Variants in ARL4A observed in about 807,000 individuals in gnomAD.
ARL4A encodes the protein ADP-ribosylation factor-like protein 4A.
ARL4A carries 5 observed loss-of-function variants against 13.9 expected under a neutral mutation model. The observed-to-expected ratio is 0.36, with a 90% CI of 0.19 to 0.75. ARL4A has a LOEUF of 0.75. ARL4A is among the 30% of genes least tolerant of loss of function. ARL4A has a pLI of 0.53. For synonymous variants in ARL4A, 77 were observed against 84.4 expected, an observed-to-expected ratio of 0.91 and a Z score of 0.48; for missense variants, 147 against 225.8, an observed-to-expected ratio of 0.65 and a Z score of 2.24.
rs559306929 is a variant in ARL4A, at chr7:12,690,782, A to G, written c.*1925A>G. 1.8e-5 allele frequency: 3 copies of G among 166,974 alleles called. No homozygotes were observed. The highest frequency in any genetic ancestry group is 2.1e-4 in the South Asian group (1 of 4,830). 10.3% of individuals were successfully genotyped at this position (166,974 alleles called of 1,614,324 possible). A position where few individuals can be genotyped will look rare whatever the true frequency, so the allele number is the denominator to read the frequency against. ...TGTACTTTCTGTCTACCTACTATGT[A>G]AAATAGTGCTGTTTTTAAGTATTTC... On this transcript the variant is annotated 3_prime_UTR_variant, in exon 2 of 2. Transcript: ENST00000651779.
Position 12,689,722 on chromosome 7 carries a change from A to G in ARL4A, c.*865A>G, listed in dbSNP as rs1784587343. On this transcript the variant is annotated 3_prime_UTR_variant, in exon 2 of 2. Transcript: ENST00000651779. ...ACTAATAAATATGCACTGGATACATATATGGATTTATGAAGAAGGCGATTT... is the reference window on the plus strand; with the variant it reads ...ACTAATAAATATGCACTGGATACATGTATGGATTTATGAAGAAGGCGATTT... 1 of 166,958 alleles carries G rather than the reference A, an allele frequency of 6.0e-6. No homozygotes were observed. The highest frequency in any genetic ancestry group is 2.1e-4 in the South Asian group (1 of 4,836). 10.3% of individuals were successfully genotyped at this position (166,958 alleles called of 1,614,324 possible). A position where few individuals can be genotyped will look rare whatever the true frequency, so the allele number is the denominator to read the frequency against.
Position 12,688,918 on chromosome 7 carries a change from G to A in ARL4A, c.*61G>A. On this transcript the variant is annotated 3_prime_UTR_variant, in exon 2 of 2. Transcript: ENST00000651779. This position sits in a 1 kb window ranked among gnomAD's most constrained non-coding sequence, Gnocchi z 5.2. Reference sequence around the variant, plus strand: ...TTCTCTGGTCTGATTTTGACAAATAGAAGAGTGTCTACAGCGTGGTTTGCC... The same window carrying A: ...TTCTCTGGTCTGATTTTGACAAATAAAAGAGTGTCTACAGCGTGGTTTGCC... 1 of 1,489,166 alleles carries A rather than the reference G, an allele frequency of 6.7e-7. No individual in the cohort carries two copies. The highest frequency in any genetic ancestry group is 9.1e-7 in the Non-Finnish European group (1 of 1,104,106). The allele number at this position is 1,489,166 out of a possible 1,614,324, so 92.2% of individuals were successfully genotyped here.
chr7:12,688,894 T>C lies in ARL4A; in HGVS notation c.*37T>C, dbSNP rs1784572492. On this transcript the variant is annotated 3_prime_UTR_variant, in exon 2 of 2. Transcript: ENST00000651779. The surrounding 1 kb of genome is among the most constrained non-coding windows in gnomAD (Gnocchi z 5.2). ...TATTATATCTGTGTGGAGTAGGTTT[T>C]CTCTGGTCTGATTTTGACAAATAGA... 1.3e-6 allele frequency: 2 copies of C among 1,547,866 alleles called. No individual in the cohort carries two copies. The highest frequency in any genetic ancestry group is 1.7e-6 in the Non-Finnish European group (2 of 1,148,916).
At position 12,689,540 on chromosome 7, in the gene ARL4A, TCTTA is replaced by T. The variant is rs368760622; in HGVS notation, c.*687_*690del. ...TGACAAAGCATGTTTTGGTGTGTAG[TCTTA>T]CTTTTTAGAAATAGCTATGCATCGT... On this transcript the variant is annotated 3_prime_UTR_variant, in exon 2 of 2. Coordinates refer to ENST00000651779, the MANE Select transcript of ARL4A (RefSeq NM_005738.5). 39 of 166,846 alleles carry T rather than the reference TCTTA, an allele frequency of 2.3e-4. No homozygotes were observed. In the East Asian group the frequency reaches 7.1e-3, roughly 30 times the overall value. The allele number at this position is 166,846 out of a possible 1,614,324, so 10.3% of individuals were successfully genotyped here. A position where few individuals can be genotyped will look rare whatever the true frequency, so the allele number is the denominator to read the frequency against.
Position 12,688,902 on chromosome 7 carries a change from C to T in ARL4A, c.*45C>T, listed in dbSNP as rs774292133. On this transcript the variant is annotated 3_prime_UTR_variant, in exon 2 of 2. Transcript: ENST00000651779. This position sits in a 1 kb window ranked among gnomAD's most constrained non-coding sequence, Gnocchi z 5.2. ...CTGTGTGGAGTAGGTTTTCTCTGGTCTGATTTTGACAAATAGAAGAGTGTC... is the reference window on the plus strand; with the variant it reads ...CTGTGTGGAGTAGGTTTTCTCTGGTTTGATTTTGACAAATAGAAGAGTGTC... 6.6e-7 allele frequency: 1 copy of T among 1,525,510 alleles called. No individual in the cohort carries two copies. Among genetic ancestry groups the T allele is most frequent in the Non-Finnish European group, 8.8e-7 (1 of 1,133,518 alleles). 94.5% of individuals were successfully genotyped at this position (1,525,510 alleles called of 1,614,324 possible). A position where few individuals can be genotyped will look rare whatever the true frequency, so the allele number is the denominator to read the frequency against.
rs1336387075 is a variant in ARL4A, at chr7:12,690,760, ACTTT to A, written c.*1906_*1909del. On this transcript the variant is annotated 3_prime_UTR_variant, in exon 2 of 2. Coordinates refer to ENST00000651779, the MANE Select transcript of ARL4A (RefSeq NM_005738.5). ...CAATTAGATTTACCAGTTTGCCTGT[ACTTT>A]CTGTCTACCTACTATGTAAAATAGT... The A allele has an allele frequency of 6.0e-6, 1 of 166,352 alleles. No homozygotes were observed. Among genetic ancestry groups the A allele is most frequent in the Non-Finnish European group, 1.5e-5 (1 of 68,048 alleles). The allele number at this position is 166,352 out of a possible 1,614,324, so 10.3% of individuals were successfully genotyped here. A position where few individuals can be genotyped will look rare whatever the true frequency, so the allele number is the denominator to read the frequency against.
rs1359584264 is a variant in ARL4A, at chr7:12,688,589, A to G, written c.335A>G (p.Lys112Arg). The G allele has an allele frequency of 1.2e-6, 2 of 1,612,236 alleles. No individual in the cohort carries two copies. The highest frequency in any genetic ancestry group is 1.7e-6 in the Non-Finnish European group (2 of 1,179,844). ...SVDVERMEEA[K>R]TELHKITRIS... ...GATGTCGAAAGGATGGAAGAAGCCAAAACTGAACTTCACAAAATAACTAGG... is the reference window on the plus strand; with the variant it reads ...GATGTCGAAAGGATGGAAGAAGCCAGAACTGAACTTCACAAAATAACTAGG... The change falls in exon 2 of 2, where the codon AAA becomes AGA. Residue 112 changes from lysine (K) to arginine (R), a missense_variant. Lys to Arg is a conservative substitution (Grantham distance 26). Transcript: ENST00000651779. The surrounding 1 kb of genome is among the most constrained non-coding windows in gnomAD (Gnocchi z 5.2).
At position 12,689,715 on chromosome 7, in the gene ARL4A, G is replaced by C. The variant is rs935233347; in HGVS notation, c.*858G>C. The C allele has an allele frequency of 6.0e-6, 1 of 166,900 alleles. No homozygotes were observed. Among genetic ancestry groups the C allele is most frequent in the Non-Finnish European group, 1.5e-5 (1 of 68,092 alleles). 10.3% of individuals were successfully genotyped at this position (166,900 alleles called of 1,614,324 possible). ...CATGTAAACTAATAAATATGCACTG[G>C]ATACATATATGGATTTATGAAGAAG... On this transcript the variant is annotated 3_prime_UTR_variant, in exon 2 of 2. Coordinates refer to ENST00000651779, the MANE Select transcript of ARL4A (RefSeq NM_005738.5).
In ARL4A at chr7:12,687,982, C is replaced by T. The variant is rs1420607375; in HGVS notation, c.-89-184C>T. On this transcript the variant is annotated intron_variant, in intron 1 of 1. Transcript: ENST00000651779. The surrounding 1 kb of genome is among the most constrained non-coding windows in gnomAD (Gnocchi z 5.6). ...TTTAAGTAAACCAGATAATTTCAAT[C>T]ACTGTTATTCCATCGTTTGTCTTGG... 6.6e-6 allele frequency among the ~76,000 whole-genome samples: 1 copy of T among 152,190 alleles called. No individual in the cohort carries two copies. Among genetic ancestry groups the T allele is most frequent in the East Asian group, 1.9e-4 (1 of 5,188 alleles).
At chr7:12,687,276 G>C (rs1205649919), upstream of ARL4A, 1 of 152,236 alleles carries the variant, frequency 6.6e-6, no homozygotes, top group Non-Finnish European at 1.5e-5. The surrounding 1 kb of genome is among the most constrained non-coding windows in gnomAD (Gnocchi z 5.6). Flanking sequence ...GGCCCCGGAT[G>C]TGAGAGCCTT....
rs549764966 is a variant in ARL4A at position 12,690,936 on chromosome 7, G to A, written c.*2079G>A. On this transcript the variant is annotated 3_prime_UTR_variant, in exon 2 of 2. Coordinates refer to ENST00000651779, the MANE Select transcript of ARL4A (RefSeq NM_005738.5). ...ACTGTACAAACTTTGATTTATAAAAGACAATTTCAGCTATAAAACCCATCC... is the reference window on the plus strand; with the variant it reads ...ACTGTACAAACTTTGATTTATAAAAAACAATTTCAGCTATAAAACCCATCC... 6.1e-6 allele frequency: 1 copy of A among 164,674 alleles called. No individual in the cohort carries two copies. The highest frequency in any genetic ancestry group is 1.9e-4 in the East Asian group (1 of 5,188). The allele number at this position is 164,674 out of a possible 1,614,324, so 10.2% of individuals were successfully genotyped here.
At position 12,688,593 on chromosome 7, in the gene ARL4A, T is replaced by A; in HGVS notation, c.339T>A (p.Thr113=). Reference sequence around the variant, plus strand: ...TCGAAAGGATGGAAGAAGCCAAAACTGAACTTCACAAAATAACTAGGATAT... The same window carrying A: ...TCGAAAGGATGGAAGAAGCCAAAACAGAACTTCACAAAATAACTAGGATAT... ...VDVERMEEAK[T]ELHKITRISE... Residue 113 remains threonine (T), a synonymous_variant, in exon 2 of 2, where the codon ACT becomes ACA. Coordinates refer to ENST00000651779, the MANE Select transcript of ARL4A (RefSeq NM_005738.5). This position sits in a 1 kb window ranked among gnomAD's most constrained non-coding sequence, Gnocchi z 5.2. 1 of 1,612,476 alleles carries A rather than the reference T, an allele frequency of 6.2e-7. No homozygotes were observed.
rs1222670408 is a variant in ARL4A, at chr7:12,689,706, T to TA, written c.*850dup. On this transcript the variant is annotated 3_prime_UTR_variant, in exon 2 of 2. Coordinates refer to ENST00000651779, the MANE Select transcript of ARL4A (RefSeq NM_005738.5). Reference sequence around the variant, plus strand: ...AAATATGGGCATGTAAACTAATAAATATGCACTGGATACATATATGGATTT... The same window carrying TA: ...AAATATGGGCATGTAAACTAATAAATAATGCACTGGATACATATATGGATTT... 2 of 166,902 alleles carry TA rather than the reference T, an allele frequency of 1.2e-5. No homozygotes were observed. Among genetic ancestry groups the TA allele is most frequent in the Non-Finnish European group, 2.9e-5 (2 of 68,092 alleles). 10.3% of individuals were successfully genotyped at this position (166,902 alleles called of 1,614,324 possible).
In ARL4A at chr7:12,687,915, GAGGTTTGGGGACCC is replaced by G. The variant is rs545102999; in HGVS notation, c.-90+191_-90+204del. On this transcript the variant is annotated intron_variant, in intron 1 of 1. Transcript: ENST00000651779. This position sits in a 1 kb window ranked among gnomAD's most constrained non-coding sequence, Gnocchi z 5.6. ...GGGTTCTTTCCAGAATGAGGTCTTT[GAGGTTTGGGGACCC>G]AGGAGAAAAACGTACATATTACTGC... Among the ~76,000 whole-genome samples the G allele has an allele frequency of 3.3e-4, 51 of 152,318 alleles. No individual in the cohort carries two copies. In the South Asian group the frequency reaches 0.01, roughly 30 times the overall value.
In ARL4A at chr7:12,690,715, GA is replaced by G. The variant is rs1045826005; in HGVS notation, c.*1868del. 48 of 156,536 alleles carry G rather than the reference GA, an allele frequency of 3.1e-4. No homozygotes were observed. Among genetic ancestry groups the G allele is most frequent in the South Asian group, 4.4e-4 (2 of 4,586 alleles). The allele number at this position is 156,536 out of a possible 1,614,324, so 9.7% of individuals were successfully genotyped here. On this transcript the variant is annotated 3_prime_UTR_variant, in exon 2 of 2. Coordinates refer to ENST00000651779, the MANE Select transcript of ARL4A (RefSeq NM_005738.5). ...CCATGATGGATTAATAAAGCTTGCT[GA>G]AAAAAAAAATCTGTGTATCAATTAG...
rs1278678674 is a variant in ARL4A at position 12,690,662 on chromosome 7, A to G, written c.*1805A>G. The G allele has an allele frequency of 6.3e-6, 1 of 158,172 alleles. No homozygotes were observed. Among genetic ancestry groups the G allele is most frequent in the Non-Finnish European group, 1.5e-5 (1 of 67,382 alleles). 9.8% of individuals were successfully genotyped at this position (158,172 alleles called of 1,614,324 possible). A position where few individuals can be genotyped will look rare whatever the true frequency, so the allele number is the denominator to read the frequency against. On this transcript the variant is annotated 3_prime_UTR_variant, in exon 2 of 2. Coordinates refer to ENST00000651779, the MANE Select transcript of ARL4A (RefSeq NM_005738.5). The stretch of plus-strand genomic sequence containing the variant: ...TTCTCCCTTCACTGATACTGAAATC[A>G]TGGTATCTGCTGCAAACATGAGTAG...
In ARL4A at chr7:12,690,628, T is replaced by TG. The variant is rs1053092990; in HGVS notation, c.*1771_*1772insG. 1.6e-4 allele frequency: 26 copies of TG among 162,520 alleles called. No homozygotes were observed. The highest frequency in any genetic ancestry group is 5.8e-4 in the African/African-American group (24 of 41,244). 10.1% of individuals were successfully genotyped at this position (162,520 alleles called of 1,614,324 possible). ...GATGTGACAGGCATTGAAGGCTGTTTTTTTTTTTTTCTCCCTTCACTGATA... is the reference window on the plus strand; with the variant it reads ...GATGTGACAGGCATTGAAGGCTGTTTGTTTTTTTTTTCTCCCTTCACTGATA... On this transcript the variant is annotated 3_prime_UTR_variant, in exon 2 of 2. Transcript: ENST00000651779.
chr7:12,688,281 T>A lies in ARL4A; in HGVS notation c.27T>A (p.Thr9=), dbSNP rs140399629. MGNGLSDQ[T]SILSNLPSFQ... is the part of the protein sequence containing the mutation. ...TGGGGAATGGGCTGTCAGACCAGAC[T>A]TCTATCCTGTCCAACCTGCCTTCAT... The change falls in exon 2 of 2, where the codon ACT becomes ACA. Residue 9 remains threonine (T), a synonymous_variant. Coordinates refer to ENST00000651779, the MANE Select transcript of ARL4A (RefSeq NM_005738.5). The surrounding 1 kb of genome is among the most constrained non-coding windows in gnomAD (Gnocchi z 5.2). The A allele has an allele frequency of 3.7e-4, 593 of 1,608,690 alleles. 1 individual carries two copies. The highest frequency in any genetic ancestry group is 6.1e-4 in the Admixed American group (36 of 59,478).
Position 12,690,300 on chromosome 7 carries a change from G to GTTTTTTTT in ARL4A, c.*1450_*1457dup, listed in dbSNP as rs66751850. ...TTTTGGCTTTGGGTTTTGTTTTTTT[G>GTTTTTTTT]TTTTTTTTTTTTTTCAGTGGCATAA... On this transcript the variant is annotated 3_prime_UTR_variant, in exon 2 of 2. Transcript: ENST00000651779. 1.3e-5 allele frequency: 2 copies of GTTTTTTTT among 149,370 alleles called. No individual in the cohort carries two copies. Among genetic ancestry groups the GTTTTTTTT allele is most frequent in the Non-Finnish European group, 3.1e-5 (2 of 64,052 alleles). 9.3% of individuals were successfully genotyped at this position (149,370 alleles called of 1,614,324 possible).
Sources: gnomAD v4.1 joint callset for allele counts (sites outside exome capture counted in the v4.1 genomes callset) on GRCh38, gnomAD v4.1.1 for gene constraint, Gnocchi (gnomAD v3.1) non-coding constraint, MANE v1.5 for transcripts, NCBI Gene and HGNC (gene_info 2026-07-23, HGNC 2026-07-21) for gene names.